Variants in IL1RAPL2 observed in about 807,000 individuals in gnomAD.
IL1RAPL2 encodes X-linked interleukin-1 receptor accessory protein-like 2.
Under a neutral mutation model 44.1 loss-of-function variants are expected in IL1RAPL2, and 3 were observed. That is an observed-to-expected ratio of 0.07 (90% CI 0.03 to 0.18). IL1RAPL2 has a LOEUF of 0.18. IL1RAPL2 is among the 10% of genes least tolerant of loss of function. IL1RAPL2 has a pLI of 1.00. For missense variants in IL1RAPL2, 391 were observed against 496.4 expected (o/e 0.79, Z 2.02); for synonymous variants, 181 against 178.8 (o/e 1.01, Z -0.10).
intron 5 of IL1RAPL2, among the ~76,000 whole-genome samples, chrX:105,385,660 G>A (rs1299145656): frequency 9.0e-6 from 1 of 111,347 alleles, no homozygotes; most frequent in East Asian, 2.8e-4. Flanking sequence ...GAATGACAAG[G>A]AAAGTGATTA....
At chrX:105,659,397 C>A (rs1055418771) in intron 6 of IL1RAPL2, among the ~76,000 whole-genome samples, 1 of 111,134 alleles carries the variant, frequency 9.0e-6, no homozygotes, top group Non-Finnish European at 1.9e-5. Context: ...GTGGCTCAGG[C>A]CTGTAATCCC....
At chrX:105,228,552 G>A (rs1556191952) in intron 3 of IL1RAPL2, among the ~76,000 whole-genome samples, 1 of 112,042 alleles carries the variant, frequency 8.9e-6, no homozygotes, top group East Asian at 2.8e-4. Context: ...AAATACATCT[G>A]GGTAAAAAGT....
chrX:105,674,189 A>G (rs1307860848), intron 6 of IL1RAPL2, among the ~76,000 whole-genome samples: 1 of 111,836 alleles, frequency 8.9e-6, no homozygotes, highest in African/African-American at 3.3e-5. Flanking sequence ...CCCATTTATC[A>G]ATTTTTGCTT....
At chrX:104,757,756 G>T (rs767043110) in intron 2 of IL1RAPL2, among the ~76,000 whole-genome samples, 2 of 110,916 alleles carry the variant, frequency 1.8e-5, no homozygotes, top group Non-Finnish European at 3.8e-5. Context: ...AATGAAAATG[G>T]ATTGCCTTTA....
At chrX:104,638,415 G>T (rs1929869045) in intron 1 of IL1RAPL2, among the ~76,000 whole-genome samples, 1 of 110,746 alleles carries the variant, frequency 9.0e-6, no homozygotes, top group South Asian at 3.7e-4. Flanking sequence ...AGTTTGGTTT[G>T]TACTTTCTTT....
At chrX:105,116,331 G>A (rs1439778743) in intron 2 of IL1RAPL2, among the ~76,000 whole-genome samples, 1 of 112,881 alleles carries the variant, frequency 8.9e-6, no homozygotes, top group African/African-American at 3.2e-5. Flanking sequence ...TAAAATTAAG[G>A]TAATAACAAT....
At chrX:105,590,847 GTT>G (rs1491461812) in intron 6 of IL1RAPL2, among the ~76,000 whole-genome samples, 74 of 94,971 alleles carry the variant, frequency 7.8e-4, no homozygotes, top group African/African-American at 2.8e-3. Context: ...GTGTGTGTGT[GTT>G]TGTGTGTGTT....
chrX:104,632,275 C>T (rs762228581), intron 1 of IL1RAPL2, among the ~76,000 whole-genome samples: 1,500 of 111,204 alleles, frequency 0.013, 24 homozygotes, highest in Non-Finnish European at 0.019. Flanking sequence ...TCAGGTAGCT[C>T]GATGCCTCCA....
At chrX:104,911,126 A>C (rs1348163961) in intron 2 of IL1RAPL2, among the ~76,000 whole-genome samples, 1 of 111,971 alleles carries the variant, frequency 8.9e-6, no homozygotes, top group African/African-American at 3.2e-5. Flanking sequence ...AAGCTTAAGC[A>C]TATTGAATTG....
chrX:104,650,781 A>G (rs760167727), intron 1 of IL1RAPL2, among the ~76,000 whole-genome samples: 27 of 112,077 alleles, frequency 2.4e-4, no homozygotes, highest in African/African-American at 8.1e-4. Flanking sequence ...AAGAAGCTAC[A>G]TTTTATAATC....
At chrX:104,656,778 TAAAGTCTCCC>T (rs1191663363) in intron 1 of IL1RAPL2, among the ~76,000 whole-genome samples, 2 of 111,611 alleles carry the variant, frequency 1.8e-5, no homozygotes, top group Admixed American at 1.9e-4. Context: ...AGTGGGGTGT[TAAAGTCTCCC>T]ATTATTATTG....
At chrX:104,950,117 G>T (rs370553006) in intron 2 of IL1RAPL2, among the ~76,000 whole-genome samples, 1 of 111,417 alleles carries the variant, frequency 9.0e-6, no homozygotes, top group Non-Finnish European at 1.9e-5. Flanking sequence ...TATTGGGTGC[G>T]TATATATTTA....
At chrX:105,034,896 C>T (rs190545031) in intron 2 of IL1RAPL2, among the ~76,000 whole-genome samples, 1,397 of 108,483 alleles carry the variant, frequency 0.013, 10 homozygotes, top group African/African-American at 0.031. Flanking sequence ...CCACCCAGTT[C>T]GAGCTTCCCA....
chrX:104,989,893 C>T (rs1454704408), intron 2 of IL1RAPL2, among the ~76,000 whole-genome samples: 2 of 111,447 alleles, frequency 1.8e-5, no homozygotes, highest in African/African-American at 3.3e-5. Flanking sequence ...AATCAGATTC[C>T]ACTGCCATAC....
intron 5 of IL1RAPL2, among the ~76,000 whole-genome samples, chrX:105,293,878 AG>A (rs1190501492): frequency 8.9e-6 from 1 of 112,381 alleles, no homozygotes; most frequent in Non-Finnish European, 1.9e-5. Flanking sequence ...GAGCTATACA[AG>A]AAGTTAGCTT....
intron 1 of IL1RAPL2, among the ~76,000 whole-genome samples, chrX:104,642,156 T>A (rs917066577): frequency 3.6e-5 from 4 of 111,792 alleles, no homozygotes; most frequent in African/African-American, 1.3e-4. Context: ...GCAGCCTACT[T>A]CTCTCCCTCT....
chrX:105,245,217 G>A (rs768308834), intron 4 of IL1RAPL2, among the ~76,000 whole-genome samples: 4 of 111,882 alleles, frequency 3.6e-5, no homozygotes, highest in East Asian at 2.8e-4. Context: ...AATTCCTTTC[G>A]TTTCCATCAG....
At chrX:105,066,458 G>T (rs2032138847) in intron 2 of IL1RAPL2, among the ~76,000 whole-genome samples, 1 of 111,663 alleles carries the variant, frequency 9.0e-6, no homozygotes, top group South Asian at 3.8e-4. Context: ...AAATATGATT[G>T]TTATAAGGGA....
intron 5 of IL1RAPL2, among the ~76,000 whole-genome samples, chrX:105,296,764 G>T (rs1362766551): frequency 2.7e-5 from 3 of 111,952 alleles, no homozygotes; most frequent in African/African-American, 9.7e-5. Context: ...TATGCCATTT[G>T]ATCTCTCTGG....
Sources: allele counts gnomAD v4.1 joint callset (sites outside exome capture counted in the v4.1 genomes callset), GRCh38; gene constraint gnomAD v4.1.1; transcripts MANE v1.5; gene names NCBI Gene and HGNC (gene_info 2026-07-23, HGNC 2026-07-21).